GRID1: variants seen among roughly 807,000 people sequenced by gnomAD.
GRID1 encodes the protein glutamate ionotropic receptor delta type subunit 1.
GRID1 carries 28 observed loss-of-function variants against 98.0 expected under a neutral mutation model. That is an observed-to-expected ratio of 0.29 (90% CI 0.21 to 0.39). The LOEUF (loss-of-function observed/expected upper bound fraction) is 0.39, where lower values mean the gene tolerates loss of function less well. Among genes scored for constraint, GRID1 ranks in the 10% least tolerant of loss-of-function variants. The pLI is 1.00. For missense variants in GRID1, 1,111 were observed against 1,340.5 expected, an observed-to-expected ratio of 0.83 and a Z score of 2.67; for synonymous variants, 553 against 538.5, an observed-to-expected ratio of 1.03 and a Z score of -0.37.
intron 15 of GRID1, among the ~76,000 whole-genome samples, chr10:85,612,613 C>T (rs1044124947): frequency 2.0e-5 from 3 of 151,988 alleles, no homozygotes; most frequent in Middle Eastern, 3.2e-3. Flanking sequence ...GACAGCCCCA[C>T]GGATGGTGTG....
chr10:86,227,025 C>A (rs1040407261), intron 2 of GRID1, among the ~76,000 whole-genome samples: 2 of 152,204 alleles, frequency 1.3e-5, no homozygotes. Flanking sequence ...AGGAGCCACC[C>A]TGAGCTGTGC....
intron 4 of GRID1, among the ~76,000 whole-genome samples, chr10:86,054,860 T>C (rs76328161): frequency 0.027 from 4,169 of 152,292 alleles, 158 homozygotes; most frequent in African/African-American, 0.084. Context: ...GGTCTACATT[T>C]CATCCCTTGA....
chr10:85,607,537 A>G lies in GRID1; in HGVS notation c.2602-4836T>C, dbSNP rs575981192. 3.3e-5 allele frequency among the ~76,000 whole-genome samples: 5 copies of G among 152,312 alleles called. No homozygotes were observed. The East Asian group carries it at 9.7e-4, about 29-fold the overall frequency. ...TAAGGACAAAGGAGCTCAAGTACGT[A>G]AGTGAAATGGTCTCAGGAGATGGTG... On this transcript the variant is annotated intron_variant, in intron 15 of 15. Coordinates refer to ENST00000327946, the MANE Select transcript of GRID1 (RefSeq NM_017551.3).
chr10:85,841,052 C>G (rs1454997648), intron 8 of GRID1, among the ~76,000 whole-genome samples: 1 of 152,104 alleles, frequency 6.6e-6, no homozygotes, highest in Admixed American at 6.5e-5. Flanking sequence ...GCAAAAAGAA[C>G]AAAGCTGGAG....
intron 12 of GRID1, among the ~76,000 whole-genome samples, chr10:85,648,734 C>T (rs918784924): frequency 6.6e-6 from 1 of 152,210 alleles, no homozygotes; most frequent in Non-Finnish European, 1.5e-5. Context: ...AACACCTCTA[C>T]AAGCCCGTTG....
chr10:85,728,278 T>C (rs1270128984), intron 9 of GRID1, among the ~76,000 whole-genome samples: 1 of 152,084 alleles, frequency 6.6e-6, no homozygotes, highest in Non-Finnish European at 1.5e-5. Context: ...GGAGTGGAGA[T>C]TCATTTGTCC....
chr10:85,664,979 A>G (rs1055844830), intron 12 of GRID1, among the ~76,000 whole-genome samples: 1 of 152,166 alleles, frequency 6.6e-6, no homozygotes, highest in African/African-American at 2.4e-5. Flanking sequence ...TATATTGTAT[A>G]ACACAGTATA....
intron 13 of GRID1, among the ~76,000 whole-genome samples, chr10:85,642,568 T>C (rs1056658935): frequency 6.6e-6 from 1 of 152,174 alleles, no homozygotes; most frequent in African/African-American, 2.4e-5. Context: ...GATGACTCAT[T>C]CAGGAACAAT....
chr10:85,642,104 A>G (rs1843128056), intron 13 of GRID1, among the ~76,000 whole-genome samples: 1 of 152,208 alleles, frequency 6.6e-6, no homozygotes, highest in African/African-American at 2.4e-5. Flanking sequence ...TTTTCTATAA[A>G]GGGCCAGATA....
intron 4 of GRID1, among the ~76,000 whole-genome samples, chr10:86,042,705 C>T (rs542572129): frequency 6.6e-6 from 1 of 152,310 alleles, no homozygotes; most frequent in East Asian, 1.9e-4. Context: ...CCAAGCTGTA[C>T]TCAGAGCATC....
chr10:86,005,582 C>T (rs1842851315), intron 4 of GRID1, among the ~76,000 whole-genome samples: 1 of 152,128 alleles, frequency 6.6e-6, no homozygotes, highest in Non-Finnish European at 1.5e-5. Flanking sequence ...ATAAATTAAC[C>T]ACCAGGATGA....
At chr10:85,659,070 G>A (rs1840935300) in intron 12 of GRID1, among the ~76,000 whole-genome samples, 1 of 152,156 alleles carries the variant, frequency 6.6e-6, no homozygotes, top group Non-Finnish European at 1.5e-5. Flanking sequence ...CTGAGTGGGT[G>A]GAGACATTCT....
chr10:86,358,371 A>G (rs1044954522), intron 2 of GRID1, among the ~76,000 whole-genome samples: 2 of 152,292 alleles, frequency 1.3e-5, no homozygotes, highest in South Asian at 2.1e-4. Context: ...AATGGCCCTC[A>G]AAGATGTCTA....
chr10:86,111,928 C>T (rs1844493058), intron 4 of GRID1, among the ~76,000 whole-genome samples: 1 of 152,206 alleles, frequency 6.6e-6, no homozygotes, highest in Non-Finnish European at 1.5e-5. Flanking sequence ...TTTTCCAAGT[C>T]CTCCAGGAAT....
chr10:85,892,187 C>A (rs1841210826), intron 5 of GRID1, among the ~76,000 whole-genome samples: 4 of 134,876 alleles, frequency 3.0e-5, no homozygotes, highest in Non-Finnish European at 4.7e-5. Context: ...AGAAACTACT[C>A]AAAATGAATC....
intron 3 of GRID1, among the ~76,000 whole-genome samples, chr10:86,154,066 G>A (rs1342556780): frequency 1.3e-5 from 2 of 152,116 alleles, no homozygotes; most frequent in Non-Finnish European, 2.9e-5. Context: ...GTTGCTCTTG[G>A]GCTCCGAGGA....
chr10:86,082,152 G>C (rs1459424801), intron 4 of GRID1, among the ~76,000 whole-genome samples: 2 of 152,146 alleles, frequency 1.3e-5, no homozygotes, highest in East Asian at 3.8e-4. Flanking sequence ...ACACGAAACT[G>C]CTTTAAAAAG....
intron 4 of GRID1, among the ~76,000 whole-genome samples, chr10:86,091,858 C>T (rs1844154312): frequency 6.6e-6 from 1 of 152,216 alleles, no homozygotes; most frequent in South Asian, 2.1e-4. Flanking sequence ...GGTAGACTCG[C>T]TGGGTAGCTA....
At chr10:85,727,811 A>T in intron 10 of GRID1, 44 bp downstream of exon 10, 2 of 1,432,742 alleles carry the variant, frequency 1.4e-6, no homozygotes, top group Non-Finnish European at 2.0e-6. Context: ...ACCCCAGAGG[A>T]AGACTAGGGT....
Sources: gnomAD v4.1 joint callset for allele counts (sites outside exome capture counted in the v4.1 genomes callset) on GRCh38, gnomAD v4.1.1 for gene constraint, MANE v1.5 for transcripts, NCBI Gene and HGNC (gene_info 2026-07-23, HGNC 2026-07-21) for gene names.